Variants in TLCD4 observed in about 807,000 individuals in gnomAD.
TLCD4 encodes the protein TLC domain-containing protein 4.
A neutral mutation model predicts 24.2 loss-of-function variants in TLCD4; 7 were observed. The observed-to-expected ratio is 0.29, with a 90% CI of 0.16 to 0.54. TLCD4 has a LOEUF of 0.54. Among genes scored for constraint, TLCD4 ranks in the 20% least tolerant of loss-of-function variants. TLCD4 has a pLI of 0.95. For synonymous variants in TLCD4, 103 were observed against 106.4 expected, an observed-to-expected ratio of 0.97 and a Z score of 0.20; for missense variants, 259 against 313.9, an observed-to-expected ratio of 0.82 and a Z score of 1.32.
the TLCD4 span, among the ~76,000 whole-genome samples, chr1:95,109,371 T>G: frequency 6.9e-6 from 1 of 144,236 alleles, no homozygotes; most frequent in East Asian, 2.1e-4. Context: ...AAATTAAAAC[T>G]TAGAGAGCAT....
intron 6 of TLCD4, among the ~76,000 whole-genome samples, chr1:95,187,021 A>C (rs1678850768): frequency 6.6e-6 from 1 of 152,250 alleles, no homozygotes; most frequent in Non-Finnish European, 1.5e-5. Context: ...CTGCCTTTGC[A>C]ATTTGATCTC....
At chr1:95,181,575 G>GTTTGTTTA (rs1553172732) in intron 6 of TLCD4, among the ~76,000 whole-genome samples, 1 of 95,790 alleles carries the variant, frequency 1.0e-5, no homozygotes, top group East Asian at 2.8e-4. Flanking sequence ...TTTTAAATTT[G>GTTTGTTTA]TTTAATTATT....
At chr1:95,137,535 T>C (rs989948350) in intron 1 of TLCD4, among the ~76,000 whole-genome samples, 2 of 152,072 alleles carry the variant, frequency 1.3e-5, no homozygotes, top group Admixed American at 1.3e-4. Flanking sequence ...GAATCACAAA[T>C]GGGGGAAATG....
Position 95,197,570 on chromosome 1 carries a change from G to A in TLCD4, c.*5702G>A, listed in dbSNP as rs987627559. 1 of 151,780 alleles carries A rather than the reference G, an allele frequency of 6.6e-6. No individual in the cohort carries two copies. The highest frequency in any genetic ancestry group is 1.5e-5 in the Non-Finnish European group (1 of 67,950). The allele number at this position is 151,780 out of a possible 1,614,324, so 9.4% of individuals were successfully genotyped here. ...TGTGGTGCAAAGCTTTGTATTTTGT[G>A]GAAAAAAACAATAAAATCACAATTA... On this transcript the variant is annotated 3_prime_UTR_variant, in exon 7 of 7. Transcript: ENST00000370203.
the TLCD4 span, among the ~76,000 whole-genome samples, chr1:95,106,411 C>A: frequency 6.6e-6 from 1 of 151,898 alleles, no homozygotes; most frequent in South Asian, 2.1e-4. Flanking sequence ...TTTTTAAAAT[C>A]AAAAAAGGGC....
chr1:95,139,685 C>G (rs772807196), intron 1 of TLCD4, among the ~76,000 whole-genome samples: 8 of 151,992 alleles, frequency 5.3e-5, no homozygotes, highest in African/African-American at 7.3e-5. Context: ...GTCTCGAACA[C>G]TTGACCTCAG....
chr1:95,097,086 G>GT, the TLCD4 span, among the ~76,000 whole-genome samples: 18 of 151,538 alleles, frequency 1.2e-4, no homozygotes, highest in African/African-American at 2.2e-4. Flanking sequence ...CCTTAAAAAT[G>GT]TTTTTTTTCT....
the TLCD4 span, among the ~76,000 whole-genome samples, chr1:95,101,116 C>T: frequency 6.6e-6 from 1 of 151,970 alleles, no homozygotes; most frequent in East Asian, 1.9e-4. Flanking sequence ...ACCATCTTGG[C>T]CAGGCTGGTC....
chr1:95,134,796 T>C (rs973973579), intron 1 of TLCD4, among the ~76,000 whole-genome samples: 1 of 152,218 alleles, frequency 6.6e-6, no homozygotes, highest in Admixed American at 6.5e-5. Flanking sequence ...AGAGATTGTA[T>C]GTCCTGTGTG....
intron 3 of TLCD4, among the ~76,000 whole-genome samples, chr1:95,149,446 G>T (rs1677432449): frequency 6.6e-6 from 1 of 152,168 alleles, no homozygotes; most frequent in African/African-American, 2.4e-5. Context: ...AGATGAGGTA[G>T]TTGTGGGCTC....
At chr1:95,136,509 A>G (rs1677044819) in intron 1 of TLCD4, among the ~76,000 whole-genome samples, 1 of 152,330 alleles carries the variant, frequency 6.6e-6, no homozygotes, top group East Asian at 1.9e-4. Flanking sequence ...AAGTAAACAT[A>G]CAAATATTTA....
At chr1:95,104,106 T>G in the TLCD4 span, among the ~76,000 whole-genome samples, 2 of 152,152 alleles carry the variant, frequency 1.3e-5, no homozygotes, top group Non-Finnish European at 2.9e-5. Flanking sequence ...TTTATTAACT[T>G]TAGGTAATTG....
intron 1 of TLCD4, among the ~76,000 whole-genome samples, chr1:95,122,339 A>G (rs1400304703): frequency 2.6e-5 from 4 of 152,244 alleles, no homozygotes; most frequent in African/African-American, 7.2e-5. Flanking sequence ...AGCCTGGGCA[A>G]TAGAGTGGGA....
chr1:95,111,013 C>G, the TLCD4 span, among the ~76,000 whole-genome samples: 1 of 151,728 alleles, frequency 6.6e-6, no homozygotes, highest in Non-Finnish European at 1.5e-5. Context: ...AAAAATTGGC[C>G]AGGTGTGGTG....
At chr1:95,177,951 G>GTTTTTTTTTTTTTT (rs202047214) in intron 6 of TLCD4, among the ~76,000 whole-genome samples, 1 of 110,516 alleles carries the variant, frequency 9.0e-6, no homozygotes, top group Admixed American at 9.1e-5. Context: ...TTTTTTTTTT[G>GTTTTTTTTTTTTTT]TTTTTTTTTG....
intron 1 of TLCD4, among the ~76,000 whole-genome samples, chr1:95,129,477 C>T (rs538785541): frequency 2.0e-3 from 308 of 152,250 alleles, no homozygotes; most frequent in African/African-American, 7.0e-3. Flanking sequence ...CGCGGTAGCT[C>T]ACGCCTGTAA....
At chr1:95,177,977 G>A (rs986930176) in intron 6 of TLCD4, among the ~76,000 whole-genome samples, 2 of 142,986 alleles carry the variant, frequency 1.4e-5, no homozygotes, top group African/African-American at 2.6e-5. Context: ...TGGAGATAGA[G>A]TCTCGCTCCA....
At chr1:95,156,865 T>A (rs1305680616) in intron 5 of TLCD4, among the ~76,000 whole-genome samples, 1 of 152,110 alleles carries the variant, frequency 6.6e-6, no homozygotes, top group Non-Finnish European at 1.5e-5. Flanking sequence ...TGCATGGCTA[T>A]CCCAGGGGAA....
At chr1:95,137,884 G>A (rs1055975109) in intron 1 of TLCD4, among the ~76,000 whole-genome samples, 32 of 152,010 alleles carry the variant, frequency 2.1e-4, no homozygotes, top group African/African-American at 7.5e-4. Flanking sequence ...CTACAGGAAT[G>A]TGCTACTACA....
Sources: gnomAD v4.1 joint callset for allele counts (sites outside exome capture counted in the v4.1 genomes callset) on GRCh38, gnomAD v4.1.1 for gene constraint, MANE v1.5 for transcripts, NCBI Gene and HGNC (gene_info 2026-07-23, HGNC 2026-07-21) for gene names.